The following NCAM2 variants were observed in gnomAD, a reference collection of about 807,000 sequenced individuals.
NCAM2 encodes neural cell adhesion molecule 2, also known as N-CAM-2.
Under a neutral mutation model 98.1 loss-of-function variants are expected in NCAM2, and 30 were observed. The ratio of observed to expected loss-of-function variants is 0.31; its 90% confidence interval spans 0.23 to 0.41. The LOEUF is 0.41. Among genes scored for constraint, NCAM2 ranks in the 10% least tolerant of loss-of-function variants. NCAM2 has a pLI of 1.00. For missense variants in NCAM2, 867 were observed against 1,005.8 expected (o/e 0.86, Z 1.87); for synonymous variants, 368 against 342.4 (o/e 1.07, Z -0.83).
At chr21:21,520,969 C>A (rs1234551662) in intron 16 of NCAM2, among the ~76,000 whole-genome samples, 2 of 152,116 alleles carry the variant, frequency 1.3e-5, no homozygotes, top group Non-Finnish European at 2.9e-5. Context: ...GGAGAAGTAT[C>A]TCCTTATGTT....
intron 9 of NCAM2, among the ~76,000 whole-genome samples, chr21:21,403,717 C>A (rs2076680197): frequency 6.6e-6 from 1 of 152,052 alleles, no homozygotes; most frequent in African/African-American, 2.4e-5. Flanking sequence ...AAGTTAAATT[C>A]CTTCAACATC....
At chr21:21,522,626 C>CT (rs1989086036) in intron 16 of NCAM2, among the ~76,000 whole-genome samples, 1 of 84,062 alleles carries the variant, frequency 1.2e-5, no homozygotes, top group East Asian at 4.4e-4. Flanking sequence ...TTTTCTTTTT[C>CT]TTTTTCTTTT....
chr21:21,378,447 T>C (rs1010520864), intron 9 of NCAM2, among the ~76,000 whole-genome samples: 1 of 152,108 alleles, frequency 6.6e-6, no homozygotes, highest in African/African-American at 2.4e-5. Flanking sequence ...CTTTTTTAGG[T>C]ACTTGTTGGC....
At chr21:21,010,374 A>G (rs2146135024) in intron 1 of NCAM2, among the ~76,000 whole-genome samples, 2 of 152,166 alleles carry the variant, frequency 1.3e-5, no homozygotes, top group South Asian at 2.1e-4. Flanking sequence ...TGGATATGAA[A>G]TGTTCAACTT....
At chr21:21,248,776 C>CAAAAAA (rs1171857115) in intron 1 of NCAM2, among the ~76,000 whole-genome samples, 8 of 50,680 alleles carry the variant, frequency 1.6e-4, no homozygotes, top group African/African-American at 5.0e-4. Flanking sequence ...GACTCTGTCT[C>CAAAAAA]AAAAAAAAAA....
chr21:21,193,674 T>C (rs1016882143), intron 1 of NCAM2, among the ~76,000 whole-genome samples: 1 of 151,972 alleles, frequency 6.6e-6, no homozygotes, highest in Non-Finnish European at 1.5e-5. Context: ...TTTTGTATTT[T>C]CAGAAGAGAT....
chr21:21,499,987 T>C (rs1412247627), intron 15 of NCAM2, among the ~76,000 whole-genome samples: 1 of 152,094 alleles, frequency 6.6e-6, no homozygotes, highest in African/African-American at 2.4e-5. Context: ...TAATGTGCAT[T>C]ACATATTTCA....
At chr21:21,330,495 C>G (rs1226712526) in intron 6 of NCAM2, among the ~76,000 whole-genome samples, 1 of 151,922 alleles carries the variant, frequency 6.6e-6, no homozygotes, top group East Asian at 1.9e-4. Context: ...AGGAAATAGA[C>G]TTTTTAATGG....
intron 15 of NCAM2, among the ~76,000 whole-genome samples, chr21:21,482,157 G>T (rs1317259130): frequency 6.6e-6 from 1 of 151,864 alleles, no homozygotes; most frequent in Non-Finnish European, 1.5e-5. Context: ...GGATTGCTAA[G>T]GCCTCATAGA....
rs191013784 is a variant in NCAM2, at chr21:21,513,851, G to A, written c.2282+4796G>A. 1.7e-3 allele frequency among the ~76,000 whole-genome samples: 256 copies of A among 152,060 alleles called. 1 individual carries two copies. Among genetic ancestry groups the A allele is most frequent in the African/African-American group, 6.0e-3 (248 of 41,506 alleles). The stretch of plus-strand genomic sequence containing the variant: ...TTTCTCTCTAGGTCAAATACTATTT[G>A]CATTATATATCAAGGTTTTCCAATG... On this transcript the variant is annotated intron_variant, in intron 16 of 17. Transcript: ENST00000400546.
At chr21:21,245,316 T>C (rs2071222194) in intron 1 of NCAM2, among the ~76,000 whole-genome samples, 1 of 152,240 alleles carries the variant, frequency 6.6e-6, no homozygotes, top group South Asian at 2.1e-4. Context: ...TTCCACAAAC[T>C]TTTCTGTCTT....
intron 1 of NCAM2, among the ~76,000 whole-genome samples, chr21:21,152,032 A>G (rs1023312894): frequency 1.3e-5 from 2 of 151,888 alleles, no homozygotes; most frequent in South Asian, 2.1e-4. Context: ...TTTCCACTAT[A>G]TATTTCTTCA....
chr21:21,374,728 G>A (rs1395380068), intron 9 of NCAM2, among the ~76,000 whole-genome samples: 1 of 151,760 alleles, frequency 6.6e-6, no homozygotes, highest in African/African-American at 2.4e-5. Context: ...ATATTGGAGA[G>A]TCTCTGATGC....
intron 16 of NCAM2, among the ~76,000 whole-genome samples, chr21:21,518,058 G>T (rs1988809902): frequency 6.6e-6 from 1 of 152,084 alleles, no homozygotes. Flanking sequence ...CACATGTTGT[G>T]TGACATAAGT....
intron 7 of NCAM2, among the ~76,000 whole-genome samples, chr21:21,336,684 G>A (rs2074880291): frequency 3.3e-5 from 5 of 152,162 alleles, no homozygotes; most frequent in African/African-American, 1.2e-4. Flanking sequence ...TGTAGTCACT[G>A]CTGGAAGCAT....
intron 1 of NCAM2, among the ~76,000 whole-genome samples, chr21:21,189,019 A>G (rs1414038652): frequency 6.6e-6 from 1 of 152,198 alleles, no homozygotes; most frequent in Admixed American, 6.5e-5. Flanking sequence ...AGGGATTCCA[A>G]GCATTCAACA....
intron 8 of NCAM2, among the ~76,000 whole-genome samples, chr21:21,356,118 TTCTC>T (rs1477543173): frequency 6.6e-6 from 1 of 152,154 alleles, no homozygotes; most frequent in Non-Finnish European, 1.5e-5. Flanking sequence ...CAAAAGGAAT[TTCTC>T]TCAGGAATAA....
intron 1 of NCAM2, among the ~76,000 whole-genome samples, chr21:21,232,694 A>T (rs1417104393): frequency 6.6e-6 from 1 of 151,740 alleles, no homozygotes; most frequent in Non-Finnish European, 1.5e-5. Flanking sequence ...TGTAGACATT[A>T]TTAAGAAAAA....
At chr21:21,257,356 C>A (rs1281418489) in intron 1 of NCAM2, among the ~76,000 whole-genome samples, 1 of 152,062 alleles carries the variant, frequency 6.6e-6, no homozygotes, top group Non-Finnish European at 1.5e-5. Flanking sequence ...GATTTTATCC[C>A]CCATTCTGAA....
Sources: allele counts gnomAD v4.1 joint callset (sites outside exome capture counted in the v4.1 genomes callset), GRCh38; gene constraint gnomAD v4.1.1; transcripts MANE v1.5; gene names NCBI Gene and HGNC (gene_info 2026-07-23, HGNC 2026-07-21).